ADAP2: variants seen among roughly 807,000 people sequenced by gnomAD.
The protein encoded by ADAP2 is ArfGAP with dual PH domains 2.
A neutral mutation model predicts 54.9 loss-of-function variants in ADAP2; 42 were observed. The observed-to-expected ratio is 0.77, with a 90% confidence interval of 0.60 to 0.99. The LOEUF (loss-of-function observed/expected upper bound fraction) is 0.99, where lower values mean the gene tolerates loss of function less well. Among genes scored for constraint, ADAP2 ranks in the 50% least tolerant of loss-of-function variants. The pLI, the probability that ADAP2 is intolerant of heterozygous loss-of-function variation, is 0.00. For missense variants in ADAP2, 429 were observed against 480.4 expected (o/e 0.89, Z 1.00); for synonymous variants, 177 against 180.1 (o/e 0.98, Z 0.14).
In ADAP2 at chr17:30,956,391, A is replaced by C; in HGVS notation, c.1033A>C (p.Ser345Arg). The change falls in exon 10 of 11, where the codon AGT (serine) becomes CGT (arginine). Residue 345 changes from serine (S) to arginine (R), a missense_variant. Transcript: ENST00000330889. ...GCGGAGATTTGTCCTCACTTGCCCC[A>C]GTGAGAAGGAACAGCAGGAATGGCT... ...PERRFVLTCP[S>R]EKEQQEWLES... 1 of 1,614,212 alleles carries C rather than the reference A, an allele frequency of 6.2e-7. No individual in the cohort carries two copies. The highest frequency in any genetic ancestry group is 2.2e-5 in the East Asian group (1 of 44,888).
At chr17:30,953,167 G>A (rs1236392946) in intron 7 of ADAP2, 121 bp from the exon 8 acceptor site, 2 of 813,576 alleles carry the variant, frequency 2.5e-6, no homozygotes, top group East Asian at 2.5e-5. Context: ...ATATAATACT[G>A]TGAGCCATGA....
intron 5 of ADAP2, among the ~76,000 whole-genome samples, chr17:30,939,079 T>C (rs561055534): frequency 6.6e-6 from 1 of 152,258 alleles, no homozygotes; most frequent in South Asian, 2.1e-4. Flanking sequence ...AAGAATTTTT[T>C]CCCAGTCTTC....
At chr17:30,955,739 A>G (rs1046741783) in intron 9 of ADAP2, among the ~76,000 whole-genome samples, 5 of 151,028 alleles carry the variant, frequency 3.3e-5, no homozygotes, top group African/African-American at 4.9e-5. Context: ...AAACTTAAAA[A>G]TTAGTCAGGT....
At chr17:30,926,956 T>G in intron 3 of ADAP2, 38 bp downstream of exon 3, 60 of 1,513,126 alleles carry the variant, frequency 4.0e-5, no homozygotes, top group Middle Eastern at 1.7e-4. Flanking sequence ...GTGAGGGGTC[T>G]GTCCTGGTTC....
chr17:30,949,144 CT>C, intron 6 of ADAP2, 142 bp from the exon 7 acceptor site: 2 of 642,752 alleles, frequency 3.1e-6, no homozygotes, highest in South Asian at 1.9e-5. Context: ...CTGGATGCCC[CT>C]GAGCCGAGCT....
Position 30,954,421 on chromosome 17 carries a change from C to T in ADAP2, c.805-57C>T. 3.9e-6 allele frequency: 6 copies of T among 1,520,494 alleles called. 1 individual carries two copies. In the South Asian group the frequency reaches 6.7e-5, roughly 17 times the overall value. 94.2% of individuals were successfully genotyped at this position (1,520,494 alleles called of 1,614,324 possible). A position where few individuals can be genotyped will look rare whatever the true frequency, so the allele number is the denominator to read the frequency against. ...TGGTTTGGGCTGGGCTGGCCCCTGA[C>T]CTCTATCCTCAGAAACTGACCTGGT... is the stretch of plus-strand genomic sequence containing the variant. On this transcript the variant is annotated intron_variant, in intron 8 of 10. Transcript: ENST00000330889.
intron 3 of ADAP2, among the ~76,000 whole-genome samples, chr17:30,929,748 G>C (rs1911337322): frequency 1.3e-5 from 2 of 152,076 alleles, no homozygotes; most frequent in African/African-American, 2.4e-5. Context: ...CCAGGCTAGA[G>C]TTCAGTGGCA....
Position 30,956,240 on chromosome 17 carries a change from G to T in ADAP2, c.883-1G>T, listed in dbSNP as rs778202064. On this transcript the variant is annotated splice_acceptor_variant, in intron 9 of 10. Transcript: ENST00000330889. LOFTEE classifies it high-confidence loss of function. ...GATGACCCTGTACTCTCCATTTTCA[G>T]GATGCCTTCGAGCAGGGCCAGGTTT... 4 of 1,614,074 alleles carry T rather than the reference G, an allele frequency of 2.5e-6. No homozygotes were observed. The highest frequency in any genetic ancestry group is 3.4e-6 in the Non-Finnish European group (4 of 1,179,974).
intron 6 of ADAP2, among the ~76,000 whole-genome samples, chr17:30,945,439 C>T (rs1472883291): frequency 6.6e-6 from 1 of 152,058 alleles, no homozygotes; most frequent in Non-Finnish European, 1.5e-5. Context: ...TGGTCCTGGC[C>T]CAACAGCATT....
Position 30,958,024 on chromosome 17 carries a change from A to T in ADAP2, c.*155A>T. On this transcript the variant is annotated 3_prime_UTR_variant, in exon 11 of 11. Coordinates refer to ENST00000330889, the MANE Select transcript of ADAP2 (RefSeq NM_018404.3). Reference sequence around the variant, plus strand: ...CAGGACTGAAGCTGTGGCTTTATCCATCAGCTCCCTGGGCCTTCCCCGCAA... The same window carrying T: ...CAGGACTGAAGCTGTGGCTTTATCCTTCAGCTCCCTGGGCCTTCCCCGCAA... 1 of 739,288 alleles carries T rather than the reference A, an allele frequency of 1.4e-6. No homozygotes were observed. The highest frequency in any genetic ancestry group is 1.6e-5 in the South Asian group (1 of 61,444). The allele number at this position is 739,288 out of a possible 1,614,324, so 45.8% of individuals were successfully genotyped here.
intron 9 of ADAP2, among the ~76,000 whole-genome samples, chr17:30,955,593 G>A (rs936061605): frequency 5.3e-5 from 8 of 152,020 alleles, no homozygotes; most frequent in African/African-American, 1.9e-4. Context: ...TGTAAGCCCA[G>A]CTACTCAGGA....
Position 30,922,101 on chromosome 17 carries a change from G to A in ADAP2, c.87G>A (p.Gly29=). 8.0e-7 allele frequency: 1 copy of A among 1,250,428 alleles called. No homozygotes were observed. Among genetic ancestry groups the A allele is most frequent in the Non-Finnish European group, 1.0e-6 (1 of 999,390 alleles). 77.5% of individuals were successfully genotyped at this position (1,250,428 alleles called of 1,614,324 possible). A position where few individuals can be genotyped will look rare whatever the true frequency, so the allele number is the denominator to read the frequency against. Residue 29 remains glycine (G), a synonymous_variant, in exon 1 of 11, where the codon GGG becomes GGA. Transcript: ENST00000330889. Reference sequence around the variant, plus strand: ...GCAACGCGCACTGCGCCGACTGCGGGGCGGCAGGTAAGGGCGCGGCGGCGC... The same window carrying A: ...GCAACGCGCACTGCGCCGACTGCGGAGCGGCAGGTAAGGGCGCGGCGGCGC... The part of the protein sequence containing the change: ...DTGNAHCADC[G]AADPDWASYK...
Position 30,956,384 on chromosome 17 carries a change from T to G in ADAP2, c.1026T>G (p.Thr342=). 1 of 1,614,178 alleles carries G rather than the reference T, an allele frequency of 6.2e-7. No individual in the cohort carries two copies. The highest frequency in any genetic ancestry group is 8.5e-7 in the Non-Finnish European group (1 of 1,180,018). ...IVTPERRFVL[T]CPSEKEQQEW... is the part of the protein sequence containing the mutation. ...CCCCAGAGCGGAGATTTGTCCTCAC[T>G]TGCCCCAGTGAGAAGGAACAGCAGG... The change falls in exon 10 of 11, where the codon ACT becomes ACG. Residue 342 remains threonine, a synonymous_variant. Transcript: ENST00000330889.
intron 8 of ADAP2, among the ~76,000 whole-genome samples, 187 bp downstream of exon 8, chr17:30,953,537 T>C (rs563470966): frequency 6.6e-6 from 1 of 152,214 alleles, no homozygotes; most frequent in African/African-American, 2.4e-5. Flanking sequence ...TCATAAACTT[T>C]CTTTTTTAAA....
intron 10 of ADAP2, chr17:30,956,709 G>C: frequency 5.5e-6 from 3 of 545,668 alleles, no homozygotes; most frequent in Non-Finnish European, 9.8e-6. Context: ...AGAGGAGTTT[G>C]GCCCTGGCAG....
intron 6 of ADAP2, among the ~76,000 whole-genome samples, chr17:30,948,624 G>C (rs1679398961): frequency 6.6e-6 from 1 of 152,162 alleles, no homozygotes; most frequent in South Asian, 2.1e-4. Flanking sequence ...GGGCCAGTCA[G>C]AGAGCAGCTG....
chr17:30,939,433 G>GAAA (rs77911489), intron 5 of ADAP2, among the ~76,000 whole-genome samples: 1 of 90,710 alleles, frequency 1.1e-5, no homozygotes, highest in Non-Finnish European at 2.4e-5. Context: ...AAGTGAAACT[G>GAAA]AAAAAAAAAA....
chr17:30,945,032 T>G lies in ADAP2; in HGVS notation c.636T>G (p.Phe212Leu). The G allele has an allele frequency of 6.2e-7, 1 of 1,613,952 alleles. No individual in the cohort carries two copies. The highest frequency in any genetic ancestry group is 8.5e-7 in the Non-Finnish European group (1 of 1,179,980). ...GAGATGGCCACACCAGGAACCTGTTTGTGTATCATGAAAGTGGGAAGGTGA... is the reference window on the plus strand; with the variant it reads ...GAGATGGCCACACCAGGAACCTGTTGGTGTATCATGAAAGTGGGAAGGTGA... ...YRRDGHTRNL[F>L]VYHESGKEIV... The change falls in exon 6 of 11, where the codon TTT becomes TTG. Residue 212 changes from phenylalanine to leucine, a missense_variant. Physicochemically the swap from Phe to Leu is conservative, Grantham distance 22. Transcript: ENST00000330889.
At chr17:30,927,134 T>C (rs1395248148) in intron 3 of ADAP2, among the ~76,000 whole-genome samples, 1 of 152,118 alleles carries the variant, frequency 6.6e-6, no homozygotes, top group Non-Finnish European at 1.5e-5. Flanking sequence ...TCTCTTCCTT[T>C]CTCTGGGCCT....
Sources: allele counts gnomAD v4.1 joint callset (sites outside exome capture counted in the v4.1 genomes callset), GRCh38; gene constraint gnomAD v4.1.1; transcripts MANE v1.5; gene names NCBI Gene and HGNC (gene_info 2026-07-23, HGNC 2026-07-21).